PDGFC: variants seen among roughly 807,000 people sequenced by gnomAD.
PDGFC encodes platelet-derived growth factor C.
A neutral mutation model predicts 35.5 loss-of-function variants in PDGFC; 12 were observed. The observed-to-expected ratio is 0.34, with a 90% CI of 0.22 to 0.55. PDGFC has a LOEUF of 0.55. Among genes scored for constraint, PDGFC ranks in the 20% least tolerant of loss-of-function variants. The probability of loss-of-function intolerance (pLI) is 0.91; values close to 1 mark genes in which losing one functional copy is unlikely to be tolerated. For synonymous variants in PDGFC, 159 were observed against 148.8 expected, an observed-to-expected ratio of 1.07 and a Z score of -0.50; for missense variants, 322 against 412.4, an observed-to-expected ratio of 0.78 and a Z score of 1.90.
At chr4:156,805,059 AAT>A (rs1731722462) in intron 3 of PDGFC, among the ~76,000 whole-genome samples, 1 of 152,016 alleles carries the variant, frequency 6.6e-6, no homozygotes, top group Non-Finnish European at 1.5e-5. Flanking sequence ...GAACAAAAGG[AAT>A]CAGTAGAAAT....
At chr4:156,816,677 C>T (rs78925081) in intron 2 of PDGFC, among the ~76,000 whole-genome samples, 9,504 of 152,170 alleles carry the variant, frequency 0.062, 390 homozygotes, top group Middle Eastern at 0.12. Flanking sequence ...AACTGCAAAG[C>T]GAAGGCTTCA....
chr4:156,872,032 C>T (rs977299889), intron 1 of PDGFC, among the ~76,000 whole-genome samples: 16 of 151,912 alleles, frequency 1.1e-4, no homozygotes, highest in Non-Finnish European at 2.1e-4. Flanking sequence ...AACTAAAGAG[C>T]AAACAACAAC....
intron 1 of PDGFC, among the ~76,000 whole-genome samples, chr4:156,928,138 A>G (rs1731460893): frequency 6.6e-6 from 1 of 152,130 alleles, no homozygotes; most frequent in Non-Finnish European, 1.5e-5. Flanking sequence ...ATTATTTCCC[A>G]CCAGGTCCCT....
chr4:156,946,320 T>G (rs373067007), intron 1 of PDGFC, among the ~76,000 whole-genome samples: 1 of 151,990 alleles, frequency 6.6e-6, no homozygotes, highest in African/African-American at 2.4e-5. Context: ...TCACAGCATA[T>G]GGTAAACAGA....
chr4:156,929,641 C>A (rs1475261717), intron 1 of PDGFC, among the ~76,000 whole-genome samples: 1 of 152,118 alleles, frequency 6.6e-6, no homozygotes, highest in Non-Finnish European at 1.5e-5. Context: ...CTTCTTCCTT[C>A]AGTGAATGAT....
At chr4:156,824,371 C>T (rs1320441972) in intron 2 of PDGFC, among the ~76,000 whole-genome samples, 8,196 of 147,110 alleles carry the variant, frequency 0.056, 899 homozygotes, top group African/African-American at 0.2. Context: ...TATATACACA[C>T]ACATACATAC....
At chr4:156,896,637 A>G (rs1730639202) in intron 1 of PDGFC, among the ~76,000 whole-genome samples, 1 of 152,220 alleles carries the variant, frequency 6.6e-6, no homozygotes, top group Admixed American at 6.5e-5. Flanking sequence ...ATATTTAGAA[A>G]AGTCATACAT....
At chr4:156,832,670 C>A (rs1728973094) in intron 2 of PDGFC, among the ~76,000 whole-genome samples, 1 of 152,142 alleles carries the variant, frequency 6.6e-6, no homozygotes, top group Non-Finnish European at 1.5e-5. Context: ...ATGGTTGACC[C>A]CTGAACAACG....
chr4:156,764,364 C>T (rs1375458044), intron 5 of PDGFC, among the ~76,000 whole-genome samples: 3 of 152,100 alleles, frequency 2.0e-5, no homozygotes, highest in Non-Finnish European at 4.4e-5. Context: ...ACAATAATAA[C>T]GTTTTTACAT....
intron 3 of PDGFC, among the ~76,000 whole-genome samples, chr4:156,797,459 G>A (rs531088830): frequency 6.6e-6 from 1 of 152,200 alleles, no homozygotes; most frequent in African/African-American, 2.4e-5. Flanking sequence ...GTGAGGTACA[G>A]AAACAGCTGG....
chr4:156,861,859 C>T (rs1489814109), intron 1 of PDGFC, among the ~76,000 whole-genome samples: 2 of 152,126 alleles, frequency 1.3e-5, no homozygotes, highest in Non-Finnish European at 1.5e-5. Flanking sequence ...CAGATACTTT[C>T]ATATACATTA....
At chr4:156,771,792 T>G (rs531337782) in intron 4 of PDGFC, among the ~76,000 whole-genome samples, 1 of 152,192 alleles carries the variant, frequency 6.6e-6, no homozygotes, top group Non-Finnish European at 1.5e-5. Context: ...ATATAAATTC[T>G]CTAGGCTGTC....
chr4:156,874,443 A>G (rs1490811877), intron 1 of PDGFC, among the ~76,000 whole-genome samples: 38 of 152,122 alleles, frequency 2.5e-4, no homozygotes, highest in Admixed American at 2.5e-3. Flanking sequence ...AGTGATTTCT[A>G]AGATAGTCCC....
intron 1 of PDGFC, among the ~76,000 whole-genome samples, chr4:156,852,571 T>G (rs1405023407): frequency 6.6e-6 from 1 of 152,170 alleles, no homozygotes; most frequent in South Asian, 2.1e-4. Flanking sequence ...TAGGTAGAAT[T>G]CTAAAATGAT....
intron 1 of PDGFC, among the ~76,000 whole-genome samples, chr4:156,959,702 G>T (rs752894695): frequency 2.6e-5 from 4 of 151,964 alleles, no homozygotes; most frequent in Admixed American, 6.6e-5. Flanking sequence ...TAAACTTGTG[G>T]CATTTACACT....
intron 1 of PDGFC, among the ~76,000 whole-genome samples, chr4:156,941,030 C>G (rs1181394080): frequency 6.6e-6 from 1 of 152,122 alleles, no homozygotes; most frequent in Non-Finnish European, 1.5e-5. Context: ...ATAATGTATG[C>G]AAACAAAAGC....
chr4:156,940,410 T>C (rs1271550743), intron 1 of PDGFC, among the ~76,000 whole-genome samples: 1 of 152,122 alleles, frequency 6.6e-6, no homozygotes, highest in Non-Finnish European at 1.5e-5. Context: ...ATTTACTCAA[T>C]AAATGTTTAA....
At chr4:156,775,089 T>C (rs1730793255) in intron 3 of PDGFC, among the ~76,000 whole-genome samples, 1 of 152,200 alleles carries the variant, frequency 6.6e-6, no homozygotes, top group Non-Finnish European at 1.5e-5. Context: ...AATATGTTTT[T>C]ATTACCCAGT....
chr4:156,800,460 C>G (rs926308087), intron 3 of PDGFC, among the ~76,000 whole-genome samples: 12 of 152,064 alleles, frequency 7.9e-5, no homozygotes, highest in Non-Finnish European at 1.2e-4. Context: ...ATTATATCAT[C>G]TGAATTAGAG....
Sources: gnomAD v4.1 joint callset for allele counts (sites outside exome capture counted in the v4.1 genomes callset) on GRCh38, gnomAD v4.1.1 for gene constraint, MANE v1.5 for transcripts, NCBI Gene and HGNC (gene_info 2026-07-23, HGNC 2026-07-21) for gene names.